The following FRMPD4 variants were observed in gnomAD, a reference collection of about 807,000 sequenced individuals.
The protein encoded by FRMPD4 is FERM and PDZ domain containing 4.
FRMPD4 carries 22 observed loss-of-function variants against 94.1 expected under a neutral mutation model. The observed-to-expected ratio is 0.23, with a 90% confidence interval of 0.17 to 0.33. The LOEUF is 0.33. Among genes scored for constraint, FRMPD4 ranks in the 10% least tolerant of loss-of-function variants. The pLI is 1.00. For synonymous variants in FRMPD4, 631 were observed against 548.6 expected (o/e 1.15, Z -2.10); for missense variants, 1,111 against 1,339.9 (o/e 0.83, Z 2.67).
intron 1 of FRMPD4, among the ~76,000 whole-genome samples, chrX:12,203,438 C>T (rs1349019733): frequency 3.6e-5 from 4 of 111,640 alleles, no homozygotes; most frequent in Admixed American, 9.5e-5. Context: ...TATATTAATG[C>T]CCAAACGTCC....
chrX:11,967,521 C>T (rs1050263400), intron 3 of FRMPD4, among the ~76,000 whole-genome samples: 5 of 111,969 alleles, frequency 4.5e-5, no homozygotes, highest in African/African-American at 1.6e-4. Flanking sequence ...CAGCAATATG[C>T]TTTTGCATTT....
chrX:12,378,182 G>A (rs2056266900), intron 1 of FRMPD4, among the ~76,000 whole-genome samples: 1 of 111,956 alleles, frequency 8.9e-6, no homozygotes, highest in Non-Finnish European at 1.9e-5. Flanking sequence ...TTGTCTTCAA[G>A]CCTGCCGGGG....
At chrX:12,205,386 T>A (rs1008366186) in intron 1 of FRMPD4, among the ~76,000 whole-genome samples, 3 of 111,998 alleles carry the variant, frequency 2.7e-5, no homozygotes, top group African/African-American at 9.7e-5. Context: ...TGAGTTAAGA[T>A]TTTATTTATA....
chrX:11,827,456 A>C (rs2053450651), intron 1 of FRMPD4, among the ~76,000 whole-genome samples: 1 of 111,222 alleles, frequency 9.0e-6, no homozygotes, highest in Admixed American at 9.7e-5. Flanking sequence ...GACTGAAAGA[A>C]TCTGGACTTG....
intron 3 of FRMPD4, among the ~76,000 whole-genome samples, chrX:12,066,768 G>T (rs1199895664): frequency 9.2e-6 from 1 of 108,289 alleles, no homozygotes; most frequent in Non-Finnish European, 1.9e-5. Context: ...GGCATCATTT[G>T]GTGGGAAACC....
intron 3 of FRMPD4, among the ~76,000 whole-genome samples, chrX:12,028,429 C>T: frequency 9.0e-6 from 1 of 111,346 alleles, no homozygotes; most frequent in East Asian, 2.8e-4. Flanking sequence ...CCATTATCAG[C>T]ATCTCACACT....
intron 1 of FRMPD4, among the ~76,000 whole-genome samples, chrX:12,167,921 A>G (rs6640922): frequency 0.074 from 8,253 of 111,054 alleles, 916 homozygotes; most frequent in East Asian, 0.61. Context: ...GCTTGTTCTC[A>G]GTGAAGGAGT....
chrX:12,668,646 C>T (rs756634637), intron 4 of FRMPD4, among the ~76,000 whole-genome samples: 3 of 98,915 alleles, frequency 3.0e-5, no homozygotes, highest in Admixed American at 1.1e-4. Context: ...CTCTTGTCAC[C>T]GAGGCTGGAG....
chrX:12,238,851 G>A (rs2057099975), intron 1 of FRMPD4, among the ~76,000 whole-genome samples: 1 of 111,781 alleles, frequency 8.9e-6, no homozygotes, highest in Non-Finnish European at 1.9e-5. Context: ...TTTAAAATTA[G>A]CAATGCAGTT....
intron 1 of FRMPD4, among the ~76,000 whole-genome samples, chrX:11,847,302 C>G (rs1312855202): frequency 2.8e-5 from 3 of 106,909 alleles, no homozygotes; most frequent in Non-Finnish European, 5.8e-5. Flanking sequence ...CACTGGCCAT[C>G]AGAGAAATGC....
At chrX:12,202,436 TA>T (rs777600084) in intron 1 of FRMPD4, among the ~76,000 whole-genome samples, 1 of 112,148 alleles carries the variant, frequency 8.9e-6, no homozygotes, top group East Asian at 2.8e-4. Context: ...ACATCACCTA[TA>T]AAAAATATTT....
chrX:12,111,719 T>C, intron 3 of FRMPD4, among the ~76,000 whole-genome samples: 1 of 111,340 alleles, frequency 9.0e-6, no homozygotes, highest in South Asian at 3.8e-4. Context: ...CAAACAAATT[T>C]ACAAGAAAAA....
At chrX:12,360,461 T>A (rs183144224) in intron 1 of FRMPD4, among the ~76,000 whole-genome samples, 11 of 111,720 alleles carry the variant, frequency 9.8e-5, no homozygotes, top group South Asian at 7.6e-4. Flanking sequence ...TCGTTTTTTT[T>A]ATATCAAAAC....
chrX:12,462,980 C>A (rs190285676), intron 1 of FRMPD4, among the ~76,000 whole-genome samples: 1 of 111,747 alleles, frequency 8.9e-6, no homozygotes, highest in African/African-American at 3.3e-5. Context: ...CACAGGAAGA[C>A]CCTGTCTTAA....
chrX:12,433,535 A>C (rs1397968339), intron 1 of FRMPD4, among the ~76,000 whole-genome samples: 2 of 111,965 alleles, frequency 1.8e-5, no homozygotes, highest in Admixed American at 1.9e-4. Context: ...CAGCAAGAAA[A>C]ATCTGCTCAG....
At chrX:12,534,984 C>T (rs1163113223) in intron 2 of FRMPD4, among the ~76,000 whole-genome samples, 4 of 111,278 alleles carry the variant, frequency 3.6e-5, no homozygotes, top group Non-Finnish European at 7.5e-5. Flanking sequence ...GTGTCCCCAC[C>T]CAAATCTCAT....
chrX:12,122,595 CT>C (rs35343477), intron 3 of FRMPD4, among the ~76,000 whole-genome samples: 365 of 102,054 alleles, frequency 3.6e-3, no homozygotes, highest in African/African-American at 7.4e-3. Flanking sequence ...TTAACTGTAT[CT>C]TTTTTTTTTT....
Position 12,314,531 on chromosome X carries a change from G to A in FRMPD4, c.41+175519G>A, listed in dbSNP as rs1414613621. Among the ~76,000 whole-genome samples the A allele has an allele frequency of 2.7e-5, 3 of 111,583 alleles. No individual in the cohort carries two copies. The East Asian group carries it at 8.4e-4, about 31-fold the overall frequency. On this transcript the variant is annotated intron_variant, in intron 1 of 16. Coordinates refer to ENST00000675598, the MANE Select transcript of FRMPD4 (RefSeq NM_001368397.1). ...CTATACTGAGCAACTGGGCTTTAAA[G>A]GATGCATAAAAATTATTCAGTGGTA...
At chrX:12,314,524 C>G (rs1416593550) in intron 1 of FRMPD4, among the ~76,000 whole-genome samples, 1 of 111,089 alleles carries the variant, frequency 9.0e-6, no homozygotes, top group Non-Finnish European at 1.9e-5. Flanking sequence ...AGCAACTGGG[C>G]TTTAAAGGAT....
Sources: allele counts gnomAD v4.1 joint callset (sites outside exome capture counted in the v4.1 genomes callset), GRCh38; gene constraint gnomAD v4.1.1; transcripts MANE v1.5; gene names NCBI Gene and HGNC (gene_info 2026-07-23, HGNC 2026-07-21).